Variants in RSRC1 observed in about 807,000 individuals in gnomAD.
The protein encoded by RSRC1 is arginine and serine rich coiled-coil 1, also known as serine/Arginine-related protein 53.
A neutral mutation model predicts 49.1 loss-of-function variants in RSRC1; 39 were observed. That is an observed-to-expected ratio of 0.79 (90% confidence interval 0.61 to 1.04). The LOEUF is 1.04. Among genes scored for constraint, RSRC1 ranks in the 50% least tolerant of loss-of-function variants. The probability of loss-of-function intolerance (pLI) is 0.00; values close to 1 mark genes in which losing one functional copy is unlikely to be tolerated. For missense variants in RSRC1, 388 were observed against 402.4 expected (o/e 0.96, Z 0.31); for synonymous variants, 143 against 130.8 (o/e 1.09, Z -0.63).
intron 4 of RSRC1, among the ~76,000 whole-genome samples, chr3:158,239,391 C>G (rs758202023): frequency 6.6e-6 from 1 of 152,160 alleles, no homozygotes; most frequent in Non-Finnish European, 1.5e-5. Flanking sequence ...AATCATGCTA[C>G]TATAAAGACC....
At chr3:158,477,569 T>C (rs1738420656) in intron 7 of RSRC1, among the ~76,000 whole-genome samples, 1 of 152,020 alleles carries the variant, frequency 6.6e-6, no homozygotes, top group African/African-American at 2.4e-5. Context: ...CAGTGTTTTT[T>C]AGATGTAACA....
rs769748293 is a variant in RSRC1, at chr3:158,423,503, G to C, written c.584-37432G>C. Among the ~76,000 whole-genome samples, 8 of 152,300 alleles carry C rather than the reference G, an allele frequency of 5.3e-5. No homozygotes were observed. The South Asian group carries it at 6.2e-4, about 12-fold the overall frequency. On this transcript the variant is annotated intron_variant, in intron 6 of 9. Coordinates refer to ENST00000611884, the MANE Select transcript of RSRC1 (RefSeq NM_001271838.2). ...AGCCTTGTAGTATAGTTTGAAGTCA[G>C]GTAGTGTGGATGCCTCCAGCTTTGT...
chr3:158,131,247 A>G (rs1716003537), intron 3 of RSRC1, among the ~76,000 whole-genome samples: 1 of 151,860 alleles, frequency 6.6e-6, no homozygotes, highest in African/African-American at 2.4e-5. Flanking sequence ...GAAGAAGAAC[A>G]CCACCATATT....
At chr3:158,193,937 C>T (rs895730254) in intron 3 of RSRC1, among the ~76,000 whole-genome samples, 16 of 151,874 alleles carry the variant, frequency 1.1e-4, no homozygotes, top group African/African-American at 3.6e-4. Context: ...ATTGTGAGTT[C>T]AGGTCGACAT....
intron 5 of RSRC1, among the ~76,000 whole-genome samples, chr3:158,310,270 C>T (rs1030935238): frequency 6.6e-6 from 1 of 151,494 alleles, no homozygotes; most frequent in Non-Finnish European, 1.5e-5. Flanking sequence ...CCCTTGTAAT[C>T]GTTGTCTTTG....
intron 3 of RSRC1, among the ~76,000 whole-genome samples, chr3:158,202,169 C>T (rs1361740775): frequency 6.6e-6 from 1 of 152,058 alleles, no homozygotes; most frequent in Admixed American, 6.6e-5. Context: ...CATGTGCCAC[C>T]ACGCCCAGCT....
intron 4 of RSRC1, among the ~76,000 whole-genome samples, chr3:158,261,720 A>G (rs183396095): frequency 1.3e-5 from 2 of 152,302 alleles, no homozygotes; most frequent in East Asian, 3.9e-4. Context: ...TGAACTATGC[A>G]TGTGAAGGAT....
chr3:158,528,566 A>G (rs1054777691), intron 7 of RSRC1, among the ~76,000 whole-genome samples: 1 of 151,920 alleles, frequency 6.6e-6, no homozygotes, highest in African/African-American at 2.4e-5. Flanking sequence ...GGGTGTTTAG[A>G]GATGGCTGGC....
chr3:158,205,880 G>T (rs1192604650), intron 4 of RSRC1, among the ~76,000 whole-genome samples: 9 of 152,138 alleles, frequency 5.9e-5, no homozygotes, highest in Non-Finnish European at 1.3e-4. Flanking sequence ...TTTGTGTTGG[G>T]CCACATTCGA....
At chr3:158,459,913 G>C (rs1362440188) in intron 6 of RSRC1, among the ~76,000 whole-genome samples, 1 of 151,782 alleles carries the variant, frequency 6.6e-6, no homozygotes, top group Admixed American at 6.6e-5. Context: ...TTTTGTGTGT[G>C]ACATATATTT....
intron 6 of RSRC1, among the ~76,000 whole-genome samples, chr3:158,373,609 A>G (rs1018609200): frequency 6.6e-6 from 1 of 151,796 alleles, no homozygotes; most frequent in East Asian, 1.9e-4. Context: ...TTTTTTGTAT[A>G]TTTTTGGATT....
intron 4 of RSRC1, among the ~76,000 whole-genome samples, chr3:158,263,156 A>G (rs1724990759): frequency 1.3e-5 from 2 of 152,138 alleles, no homozygotes. Context: ...GATGTTATCA[A>G]GATAATTTTA....
intron 7 of RSRC1, among the ~76,000 whole-genome samples, chr3:158,485,181 A>G (rs547129515): frequency 6.6e-6 from 1 of 151,988 alleles, no homozygotes; most frequent in Non-Finnish European, 1.5e-5. Context: ...AGGCTGTTTT[A>G]TGTATCTTGT....
intron 4 of RSRC1, among the ~76,000 whole-genome samples, chr3:158,268,118 T>G (rs1419387120): frequency 6.6e-6 from 1 of 152,202 alleles, no homozygotes; most frequent in African/African-American, 2.4e-5. Context: ...TAAGTAGAGA[T>G]AGAGCTCACT....
chr3:158,505,631 A>G (rs890602929), intron 7 of RSRC1, among the ~76,000 whole-genome samples: 14 of 152,132 alleles, frequency 9.2e-5, no homozygotes, highest in Admixed American at 8.5e-4. Context: ...GATAATAGGT[A>G]TTCCAAGCTG....
chr3:158,271,627 A>G (rs1261675397), intron 4 of RSRC1, among the ~76,000 whole-genome samples: 5 of 152,150 alleles, frequency 3.3e-5, no homozygotes, highest in East Asian at 1.9e-4. Context: ...TTATATAGCT[A>G]TCTTACCTAC....
At chr3:158,425,941 T>C (rs1735408160) in intron 6 of RSRC1, among the ~76,000 whole-genome samples, 1 of 151,666 alleles carries the variant, frequency 6.6e-6, no homozygotes, top group South Asian at 2.1e-4. Flanking sequence ...ACTATAGTAA[T>C]TAAAATGGTG....
chr3:158,340,612 C>G (rs1387879210), intron 5 of RSRC1, among the ~76,000 whole-genome samples: 1 of 152,108 alleles, frequency 6.6e-6, no homozygotes, highest in Non-Finnish European at 1.5e-5. Flanking sequence ...TTGAGGCCTC[C>G]CCAGCCATGT....
intron 6 of RSRC1, among the ~76,000 whole-genome samples, chr3:158,410,559 A>G (rs978080452): frequency 5.3e-5 from 8 of 152,164 alleles, no homozygotes; most frequent in African/African-American, 1.9e-4. Flanking sequence ...TTATGGTCAG[A>G]CCGTATCTGT....
Sources: allele counts gnomAD v4.1 joint callset (sites outside exome capture counted in the v4.1 genomes callset), GRCh38; gene constraint gnomAD v4.1.1; transcripts MANE v1.5; gene names NCBI Gene and HGNC (gene_info 2026-07-23, HGNC 2026-07-21).